Variants in DOCK8 observed in about 807,000 individuals in gnomAD.
DOCK8 encodes dedicator of cytokinesis 8.
A neutral mutation model predicts 245.6 loss-of-function variants in DOCK8; 141 were observed. The observed-to-expected ratio is 0.57, with a 90% confidence interval of 0.50 to 0.66. The LOEUF (loss-of-function observed/expected upper bound fraction) is 0.66. DOCK8 is among the 30% of genes least tolerant of loss of function. The pLI is 0.00. For missense variants in DOCK8, 2,965 were observed against 2,603.4 expected, an observed-to-expected ratio of 1.14 and a Z score of -3.02; for synonymous variants, 1,168 against 970.2, an observed-to-expected ratio of 1.20 and a Z score of -3.79.
chr9:329,215 G>C (rs1563927269), intron 9 of DOCK8, among the ~76,000 whole-genome samples: 1 of 152,174 alleles, frequency 6.6e-6, no homozygotes, highest in Non-Finnish European at 1.5e-5. Flanking sequence ...GGTTCCCAAA[G>C]TGTTGGGATT....
At chr9:285,015 A>C (rs2048755158) in intron 2 of DOCK8, among the ~76,000 whole-genome samples, 1 of 152,154 alleles carries the variant, frequency 6.6e-6, no homozygotes, top group Admixed American at 6.5e-5. Flanking sequence ...CCTGGGTGAT[A>C]AAATAATTGT....
rs140119974 is a variant in DOCK8, at chr9:327,847, T to A, written c.895-175T>A. Among the ~76,000 whole-genome samples, 243 of 152,340 alleles carry A rather than the reference T, an allele frequency of 1.6e-3. 6 individuals are homozygous for A. The highest frequency in any genetic ancestry group is 0.014 in the Admixed American group (218 of 15,306). On this transcript the variant is annotated intron_variant, in intron 8 of 47. Coordinates refer to ENST00000432829, the MANE Select transcript of DOCK8 (RefSeq NM_203447.4). ...AAATGGCTCCAGAATACCTAGACAT[T>A]GTGACAAAACATTTGTCAGATTTAT...
intron 1 of DOCK8, among the ~76,000 whole-genome samples, chr9:220,461 C>G (rs529749918): frequency 3.5e-4 from 54 of 152,214 alleles, no homozygotes; most frequent in African/African-American, 1.2e-3. Flanking sequence ...GACCAAGTCT[C>G]CCATCTCAAC....
At chr9:401,032 C>T (rs910940125) in intron 26 of DOCK8, among the ~76,000 whole-genome samples, 1 of 146,646 alleles carries the variant, frequency 6.8e-6, no homozygotes, top group Non-Finnish European at 1.5e-5. Context: ...CCTCCTTCAC[C>T]TCCACCATCA....
chr9:297,136 G>A (rs906706876), intron 4 of DOCK8, among the ~76,000 whole-genome samples: 1 of 152,178 alleles, frequency 6.6e-6, no homozygotes, highest in Non-Finnish European at 1.5e-5. Flanking sequence ...GATGTGAAAG[G>A]AAAGAGAGGG....
intron 14 of DOCK8, among the ~76,000 whole-genome samples, chr9:354,333 C>T (rs370638753): frequency 1.3e-5 from 2 of 151,990 alleles, no homozygotes; most frequent in Non-Finnish European, 1.5e-5. Flanking sequence ...TGTGGGGAGT[C>T]GTTATATTAT....
At chr9:345,497 T>G (rs1055916464) in intron 14 of DOCK8, among the ~76,000 whole-genome samples, 1 of 152,206 alleles carries the variant, frequency 6.6e-6, no homozygotes, top group Non-Finnish European at 1.5e-5. Flanking sequence ...TTTTCTGGCC[T>G]TGAGTGCCAG....
intron 47 of DOCK8, 63 bp downstream of exon 47, chr9:463,750 C>G: frequency 6.3e-7 from 1 of 1,592,172 alleles, no homozygotes; most frequent in South Asian, 1.1e-5. Context: ...GGGCCTAGCA[C>G]CTTGGGGCAT....
At chr9:312,702 T>C (rs2050178858) in intron 6 of DOCK8, 2 of 342,330 alleles carry the variant, frequency 5.8e-6, no homozygotes, top group South Asian at 2.3e-5. Flanking sequence ...TCTTCATTTA[T>C]TGGAGCTGAC....
At position 271,252 on chromosome 9, in the gene DOCK8, C is replaced by T. The variant is rs188799383; in HGVS notation, c.54-375C>T. Among the ~76,000 whole-genome samples the T allele has an allele frequency of 3.4e-3, 518 of 152,304 alleles. 1 individual carries two copies. Among genetic ancestry groups the T allele is most frequent in the African/African-American group, 0.012 (493 of 41,554 alleles). ...GAGAATGGCTGGATCAAAATGGCAG[C>T]TCAGGATTTAAAGGATTCTAGTCAG... On this transcript the variant is annotated intron_variant, in intron 1 of 47. Transcript: ENST00000432829.
At chr9:373,521 G>C (rs368646829) in intron 18 of DOCK8, among the ~76,000 whole-genome samples, 1 of 152,118 alleles carries the variant, frequency 6.6e-6, no homozygotes, top group East Asian at 1.9e-4. Flanking sequence ...CACTGATATT[G>C]ATTGTTACAT....
chr9:373,927 C>G (rs568609786), intron 18 of DOCK8, among the ~76,000 whole-genome samples: 149 of 152,288 alleles, frequency 9.8e-4, no homozygotes, highest in African/African-American at 3.4e-3. Context: ...CCCCTATTAT[C>G]TTTTTAAGCT....
intron 28 of DOCK8, among the ~76,000 whole-genome samples, chr9:410,582 T>A (rs2055676808): frequency 6.6e-6 from 1 of 152,234 alleles, no homozygotes; most frequent in Non-Finnish European, 1.5e-5. Context: ...GCCTATTTTT[T>A]ATTTTAATAT....
chr9:322,574 A>G (rs1563919586), intron 7 of DOCK8, among the ~76,000 whole-genome samples: 1 of 150,302 alleles, frequency 6.7e-6, no homozygotes, highest in Non-Finnish European at 1.5e-5. Flanking sequence ...ATTACGCTGT[A>G]GTTGTGTAAA....
intron 4 of DOCK8, among the ~76,000 whole-genome samples, chr9:294,394 G>T (rs560668524): frequency 6.6e-6 from 1 of 152,176 alleles, no homozygotes; most frequent in African/African-American, 2.4e-5. Context: ...TACCAACTGG[G>T]CATTAAACTG....
intron 38 of DOCK8, among the ~76,000 whole-genome samples, chr9:434,559 A>G (rs2056829841): frequency 6.6e-6 from 1 of 152,182 alleles, no homozygotes; most frequent in Non-Finnish European, 1.5e-5. Flanking sequence ...GGCTTTTACT[A>G]AGTACTATTT....
At position 334,748 on chromosome 9, in the gene DOCK8, C is replaced by G. The variant is rs767460841; in HGVS notation, c.1285+364C>G. Among the ~76,000 whole-genome samples the G allele has an allele frequency of 7.3e-5, 11 of 151,464 alleles. No homozygotes were observed. The East Asian group carries it at 2.1e-3, about 29-fold the overall frequency. Reference sequence around the variant, plus strand: ...GAGACACCATGGTCGACTCCTAAACCTAAAAAAAAAAGCCTCTGTTACAAA... The same window carrying G: ...GAGACACCATGGTCGACTCCTAAACGTAAAAAAAAAAGCCTCTGTTACAAA... On this transcript the variant is annotated intron_variant, in intron 11 of 47. Coordinates refer to ENST00000432829, the MANE Select transcript of DOCK8 (RefSeq NM_203447.4).
At chr9:371,724 C>T (rs964989825) in intron 17 of DOCK8, among the ~76,000 whole-genome samples, 158 bp downstream of exon 17, 4 of 152,196 alleles carry the variant, frequency 2.6e-5, no homozygotes, top group African/African-American at 4.8e-5. Flanking sequence ...AATGATTTGC[C>T]TTAGCAAATG....
intron 5 of DOCK8, among the ~76,000 whole-genome samples, chr9:306,734 T>C (rs62533402): frequency 0.12 from 18,769 of 152,210 alleles, 1,460 homozygotes; most frequent in Non-Finnish European, 0.18. Flanking sequence ...AACCTCATAC[T>C]TTTTAATTAG....
Sources: allele counts gnomAD v4.1 joint callset (sites outside exome capture counted in the v4.1 genomes callset), GRCh38; gene constraint gnomAD v4.1.1; transcripts MANE v1.5; gene names NCBI Gene and HGNC (gene_info 2026-07-23, HGNC 2026-07-21).